Variants in PUM2 observed in about 807,000 individuals in gnomAD.
The protein encoded by PUM2 is pumilio homolog 2.
PUM2 carries 57 observed loss-of-function variants against 124.5 expected under a neutral mutation model. The observed-to-expected ratio is 0.46, with a 90% CI of 0.37 to 0.57. The LOEUF is 0.57. Among genes scored for constraint, PUM2 ranks in the 20% least tolerant of loss-of-function variants. The probability of loss-of-function intolerance (pLI) is 0.00; values close to 1 mark genes in which losing one functional copy is unlikely to be tolerated. For missense variants in PUM2, 1,065 were observed against 1,290.6 expected, an observed-to-expected ratio of 0.83 and a Z score of 2.68; for synonymous variants, 460 against 446.1, an observed-to-expected ratio of 1.03 and a Z score of -0.39.
At chr2:20,297,910 C>T (rs181574675) in intron 7 of PUM2, among the ~76,000 whole-genome samples, 15 of 151,634 alleles carry the variant, frequency 9.9e-5, no homozygotes, top group African/African-American at 3.6e-4. Flanking sequence ...AATGTAATAC[C>T]GATTATGACA....
intron 1 of PUM2, among the ~76,000 whole-genome samples, chr2:20,345,092 T>C (rs1687993123): frequency 6.7e-6 from 1 of 149,184 alleles, no homozygotes; most frequent in Non-Finnish European, 1.5e-5. Flanking sequence ...CTTTTTTCTT[T>C]TTTTTTTTTT....
intron 2 of PUM2, among the ~76,000 whole-genome samples, chr2:20,324,960 T>C (rs1005847226): frequency 2.0e-5 from 3 of 151,806 alleles, no homozygotes; most frequent in Non-Finnish European, 4.4e-5. Context: ...AAAGCATTTT[T>C]AGAAAACTTA....
intron 2 of PUM2, chr2:20,326,480 CT>C: frequency 8.8e-7 from 1 of 1,137,522 alleles, no homozygotes; most frequent in Non-Finnish European, 1.2e-6. Flanking sequence ...AATTACACAT[CT>C]TAGGTCTGTT....
In PUM2 at chr2:20,327,341, G is replaced by A. The variant is rs543001554; in HGVS notation, c.20C>T (p.Ala7Val). The part of the protein sequence containing the change: MNHDFQ[A>V]LALESRGMGE... ...CATTCCCCGAGATTCTAATGCAAGA[G>A]CTTGAAAATCATGATTCATTTCATC... Residue 7 changes from alanine (A) to valine (V), a missense_variant, in exon 2 of 21, where the codon GCT (alanine) becomes GTT (valine). This residue lies in a region of PUM2 where 90 missense variants were observed against 103.6 expected (regional missense o/e 0.87). Transcript: ENST00000361078. 1 of 1,583,098 alleles carries A rather than the reference G, an allele frequency of 6.3e-7. No individual in the cohort carries two copies. Among genetic ancestry groups the A allele is most frequent in the Admixed American group, 1.7e-5 (1 of 59,712 alleles).
At position 20,312,407 on chromosome 2, in the gene PUM2, C is replaced by T. The variant is rs1298582849; in HGVS notation, c.177G>A (p.Gln59=). 1 of 1,613,272 alleles carries T rather than the reference C, an allele frequency of 6.2e-7. No homozygotes were observed. Among genetic ancestry groups the T allele is most frequent in the Non-Finnish European group, 8.5e-7 (1 of 1,179,618 alleles). Residue 59 remains glutamine, a synonymous_variant, in exon 4 of 21, where the codon CAG becomes CAA. Transcript: ENST00000361078. ...AWGASHHSMS[Q]PIMVQRRSGQ... ...CAGATCTTCTCTGTACCATAATAGG[C>T]TGGGACATTGAATGGTCTGTTTGGA...
In PUM2 at chr2:20,255,197, A is replaced by G; in HGVS notation, c.2748+19T>C. 1 of 1,565,894 alleles carries G rather than the reference A, an allele frequency of 6.4e-7. No individual in the cohort carries two copies. ...TTCCAAAAATATATAAACATTTCAAATTATTAGGGAATTTATACCTGTACC... is the reference window on the plus strand; with the variant it reads ...TTCCAAAAATATATAAACATTTCAAGTTATTAGGGAATTTATACCTGTACC... On this transcript the variant is annotated intron_variant, in intron 18 of 20. Coordinates refer to ENST00000361078, the MANE Select transcript of PUM2 (RefSeq NM_015317.5).
chr2:20,297,362 C>T (rs895404331), intron 8 of PUM2, among the ~76,000 whole-genome samples, 191 bp downstream of exon 8: 2 of 152,146 alleles, frequency 1.3e-5, no homozygotes, highest in African/African-American at 2.4e-5. Context: ...AAAGTTATTG[C>T]TTAAGCTTTT....
At chr2:20,343,918 G>A (rs923047538) in intron 1 of PUM2, among the ~76,000 whole-genome samples, 5 of 151,906 alleles carry the variant, frequency 3.3e-5, no homozygotes, top group African/African-American at 1.2e-4. Context: ...AACACGATGA[G>A]ACACCCGCCC....
intron 7 of PUM2, among the ~76,000 whole-genome samples, chr2:20,306,378 C>T (rs1236332007): frequency 6.6e-6 from 1 of 151,984 alleles, no homozygotes; most frequent in Non-Finnish European, 1.5e-5. Flanking sequence ...AAACTTAAAA[C>T]CCCAAAAAAG....
Position 20,251,364 on chromosome 2 carries a change from T to C in PUM2, c.*221A>G, listed in dbSNP as rs1259732596. The C allele has an allele frequency of 2.5e-6, 1 of 404,582 alleles. No homozygotes were observed. The highest frequency in any genetic ancestry group is 4.3e-6 in the Non-Finnish European group (1 of 231,566). 25.1% of individuals were successfully genotyped at this position (404,582 alleles called of 1,614,324 possible). A position where few individuals can be genotyped will look rare whatever the true frequency, so the allele number is the denominator to read the frequency against. On this transcript the variant is annotated 3_prime_UTR_variant, in exon 21 of 21. Transcript: ENST00000361078. ...GTGCTTTGCCAGCAATCCAATCTGA[T>C]AGGTCTCCACTCAGGGCTGAATATA...
intron 3 of PUM2, among the ~76,000 whole-genome samples, chr2:20,316,335 T>C (rs1008237987): frequency 6.6e-6 from 1 of 152,168 alleles, no homozygotes; most frequent in Non-Finnish European, 1.5e-5. Flanking sequence ...AAACATTATA[T>C]AGAAGCATTA....
In PUM2 at chr2:20,312,342, A is replaced by G. The variant is rs369693175; in HGVS notation, c.242T>C (p.Leu81Pro). ...GCCTCCACTTTCTGATCGCGGAGAC[A>G]GTATTGCATTTACTTCACTGTTTCC... The part of the protein sequence containing the change: ...FHGNSEVNAI[L>P]SPRSESGGLG... The change falls in exon 4 of 21, where the codon CTG becomes CCG. Residue 81 changes from leucine to proline, a missense_variant. By Grantham distance (98) the Leu-to-Pro change is moderately conservative. Around this residue, in one of 3 missense-constraint regions of PUM2, gnomAD observed 90 missense variants for 103.6 expected, o/e 0.87. Transcript: ENST00000361078. 1.6e-5 allele frequency: 26 copies of G among 1,613,494 alleles called. No homozygotes were observed. Among genetic ancestry groups the G allele is most frequent in the Non-Finnish European group, 2.0e-5 (24 of 1,179,578 alleles).
chr2:20,303,124 G>C (rs1677390722), intron 7 of PUM2, among the ~76,000 whole-genome samples: 1 of 152,110 alleles, frequency 6.6e-6, no homozygotes, highest in African/African-American at 2.4e-5. Flanking sequence ...AGATAGACTT[G>C]AGCTGGATTC....
chr2:20,253,932 C>T lies in PUM2; in HGVS notation c.2953G>A (p.Gly985Ser), dbSNP rs1207993298. 6.2e-7 allele frequency: 1 copy of T among 1,614,032 alleles called. No individual in the cohort carries two copies. The highest frequency in any genetic ancestry group is 1.1e-5 in the South Asian group (1 of 91,070). Residue 985 changes from glycine to serine, a missense_variant, in exon 20 of 21, where the codon GGT becomes AGT. Physicochemically the swap from Gly to Ser is moderately conservative, Grantham distance 56 (BLOSUM62 0). This residue lies in a region of PUM2 where 968 missense variants were observed against 1,159.8 expected (regional missense o/e 0.83). Coordinates refer to ENST00000361078, the MANE Select transcript of PUM2 (RefSeq NM_015317.5). Reference sequence around the variant, plus strand: ...ATGGTGTATAAGGCACTGTGAGGACCATCATTCTGGCAGCAAACCTCGTCA... The same window carrying T: ...ATGGTGTATAAGGCACTGTGAGGACTATCATTCTGGCAGCAAACCTCGTCA... ...LIDEVCCQND[G>S]PHSALYTMMK...
At chr2:20,345,449 T>C (rs955662306) in intron 1 of PUM2, among the ~76,000 whole-genome samples, 2 of 152,158 alleles carry the variant, frequency 1.3e-5, no homozygotes, top group Non-Finnish European at 2.9e-5. Flanking sequence ...CAGGCTAGCA[T>C]GCTGCACTGT....
At chr2:20,264,367 A>AAATATAT (rs1553362305) in intron 13 of PUM2, among the ~76,000 whole-genome samples, 3 of 26,616 alleles carry the variant, frequency 1.1e-4, no homozygotes, top group East Asian at 1.5e-3. Context: ...AAAAAAAAAA[A>AAATATAT]ATATATATAT....
intron 3 of PUM2, among the ~76,000 whole-genome samples, chr2:20,313,831 G>A (rs1325728417): frequency 1.3e-5 from 1 of 78,856 alleles, no homozygotes; most frequent in Non-Finnish European, 2.2e-5. Context: ...GTGAGATCCT[G>A]TCTCAAAAAA....
At chr2:20,317,695 C>T (rs888073190) in intron 3 of PUM2, among the ~76,000 whole-genome samples, 3 of 152,066 alleles carry the variant, frequency 2.0e-5, no homozygotes, top group Non-Finnish European at 2.9e-5. Flanking sequence ...TTCTGATCCT[C>T]TCCCTCCTCC....
intron 2 of PUM2, among the ~76,000 whole-genome samples, chr2:20,323,025 C>G (rs1682758328): frequency 6.6e-6 from 1 of 152,100 alleles, no homozygotes; most frequent in South Asian, 2.1e-4. Context: ...TAGTACTGTA[C>G]AGAAGTAGTA....
Sources: allele counts gnomAD v4.1 joint callset (sites outside exome capture counted in the v4.1 genomes callset), GRCh38; gene constraint gnomAD v4.1.1; regional missense constraint gnomAD v4.1.1; transcripts MANE v1.5; gene names NCBI Gene and HGNC (gene_info 2026-07-23, HGNC 2026-07-21).